FAM117A: variants seen among roughly 807,000 people sequenced by gnomAD.
FAM117A encodes the protein protein FAM117A.
FAM117A carries 21 observed loss-of-function variants against 44.1 expected under a neutral mutation model. The ratio of observed to expected loss-of-function variants is 0.48; its 90% CI spans 0.34 to 0.69. FAM117A has a LOEUF of 0.69. Ranked by LOEUF, FAM117A falls within the 30% of genes least tolerant of loss-of-function variation. FAM117A has a pLI of 0.01. For missense variants in FAM117A, 498 were observed against 589.9 expected (o/e 0.84, Z 1.61); for synonymous variants, 220 against 238.3 (o/e 0.92, Z 0.71).
At chr17:49,776,984 C>T (rs1300969952) in intron 1 of FAM117A, among the ~76,000 whole-genome samples, 2 of 152,260 alleles carry the variant, frequency 1.3e-5, no homozygotes, top group African/African-American at 4.8e-5. Flanking sequence ...CTCCCCACCT[C>T]TTGGGTGGGG....
chr17:49,759,626 G>A (rs887490808), intron 1 of FAM117A, among the ~76,000 whole-genome samples: 3 of 152,158 alleles, frequency 2.0e-5, no homozygotes, highest in South Asian at 2.1e-4. Context: ...GTAGCCACAC[G>A]GACCAGTTTG....
chr17:49,766,321 A>T (rs889153883), upstream of FAM117A, among the ~76,000 whole-genome samples: 3 of 152,264 alleles, frequency 2.0e-5, no homozygotes, highest in Non-Finnish European at 4.4e-5. Context: ...TAAAATTAAC[A>T]TCTGTCTAGT....
At chr17:49,733,080 ACT>A in intron 1 of FAM117A, 1 of 215,634 alleles carries the variant, frequency 4.6e-6, no homozygotes, top group Non-Finnish European at 9.5e-6. Flanking sequence ...TAAAGATAAA[ACT>A]CTAAGTGGAT....
intron 1 of FAM117A, among the ~76,000 whole-genome samples, chr17:49,778,775 C>T (rs1387069081): frequency 6.6e-6 from 1 of 152,200 alleles, no homozygotes; most frequent in African/African-American, 2.4e-5. Flanking sequence ...GGACACTGCC[C>T]TCATGGAACT....
intron 1 of FAM117A, among the ~76,000 whole-genome samples, chr17:49,733,408 G>A (rs2073594856): frequency 6.6e-6 from 1 of 152,322 alleles, no homozygotes; most frequent in African/African-American, 2.4e-5. Flanking sequence ...CCGGGTGGTG[G>A]TGGCTCATGC....
intron 2 of FAM117A, among the ~76,000 whole-genome samples, chr17:49,725,285 T>C (rs2073554726): frequency 6.6e-6 from 1 of 152,216 alleles, no homozygotes; most frequent in Admixed American, 6.5e-5. Flanking sequence ...GCTCTGAGTG[T>C]ACAGCATTCG....
chr17:49,772,621 G>A (rs901818696), intron 1 of FAM117A, among the ~76,000 whole-genome samples: 2 of 151,796 alleles, frequency 1.3e-5, no homozygotes, highest in African/African-American at 2.4e-5. Context: ...GTGTGGTGGT[G>A]GGCACCTGTA....
intron 1 of FAM117A, among the ~76,000 whole-genome samples, chr17:49,786,462 C>T (rs190328797): frequency 3.2e-4 from 48 of 152,180 alleles, no homozygotes; most frequent in Admixed American, 2.2e-3. Flanking sequence ...GTGGGAAGAA[C>T]GAGGTTTGAG....
At chr17:49,728,343 C>T (rs1228264070) in intron 2 of FAM117A, among the ~76,000 whole-genome samples, 2 of 151,838 alleles carry the variant, frequency 1.3e-5, no homozygotes, top group African/African-American at 2.4e-5. Context: ...AGAAGTCTTC[C>T]CAGTGAGCAT....
At chr17:49,712,834 T>C (rs1212581554) in intron 7 of FAM117A, among the ~76,000 whole-genome samples, 2 of 152,186 alleles carry the variant, frequency 1.3e-5, no homozygotes, top group Non-Finnish European at 2.9e-5. Flanking sequence ...TAACTCACCA[T>C]GTGGTCCTTG....
At chr17:49,788,317 G>A (rs1486161966) in intron 1 of FAM117A, among the ~76,000 whole-genome samples, 1 of 152,100 alleles carries the variant, frequency 6.6e-6, no homozygotes, top group Non-Finnish European at 1.5e-5. Flanking sequence ...AAACAATCAG[G>A]CTACGAAGGG....
chr17:49,724,346 G>A (rs2073549360), intron 2 of FAM117A: 1 of 456,038 alleles, frequency 2.2e-6, no homozygotes, highest in Non-Finnish European at 4.4e-6. Context: ...AAAAGCTAAA[G>A]GGACCGTTCT....
chr17:49,742,161 C>T (rs1344724174), intron 1 of FAM117A, among the ~76,000 whole-genome samples: 1 of 152,172 alleles, frequency 6.6e-6, no homozygotes, highest in African/African-American at 2.4e-5. Context: ...TTTGTACACA[C>T]ATGAAAAACT....
At chr17:49,757,154 T>G (rs1311327372) in intron 1 of FAM117A, among the ~76,000 whole-genome samples, 2 of 151,678 alleles carry the variant, frequency 1.3e-5, no homozygotes, top group Admixed American at 6.6e-5. Context: ...ACTGCTAATG[T>G]GTAGGCAGAG....
chr17:49,770,392 C>T (rs1470821396), intron 1 of FAM117A, among the ~76,000 whole-genome samples: 2 of 151,408 alleles, frequency 1.3e-5, no homozygotes, highest in South Asian at 2.1e-4. Context: ...ATGAAAGAAG[C>T]CAGGCGCAAA....
At chr17:49,728,523 A>G (rs1269100099) in intron 2 of FAM117A, among the ~76,000 whole-genome samples, 1 of 151,772 alleles carries the variant, frequency 6.6e-6, no homozygotes, top group African/African-American at 2.4e-5. Flanking sequence ...GGATGAGTAG[A>G]ATGGGGGGCT....
intron 1 of FAM117A, among the ~76,000 whole-genome samples, chr17:49,762,462 T>C (rs2092589841): frequency 6.6e-6 from 1 of 152,212 alleles, no homozygotes; most frequent in African/African-American, 2.4e-5. Context: ...AGTTTCTGCA[T>C]CCCAAGATGT....
At chr17:49,755,901 C>T (rs2073696846) in intron 1 of FAM117A, among the ~76,000 whole-genome samples, 1 of 152,180 alleles carries the variant, frequency 6.6e-6, no homozygotes, top group Admixed American at 6.5e-5. Context: ...GCATGACACT[C>T]CCCATCTGCC....
At chr17:49,767,033 G>A (rs2073747631), upstream of FAM117A, among the ~76,000 whole-genome samples, 1 of 152,182 alleles carries the variant, frequency 6.6e-6, no homozygotes, top group Admixed American at 6.5e-5. Context: ...ATAAGTTGCT[G>A]GCAAGACACT....
Sources: gnomAD v4.1 joint callset for allele counts (sites outside exome capture counted in the v4.1 genomes callset) on GRCh38, gnomAD v4.1.1 for gene constraint, MANE v1.5 for transcripts, NCBI Gene and HGNC (gene_info 2026-07-23, HGNC 2026-07-21) for gene names.